Variants in DOCK6 observed in about 807,000 individuals in gnomAD.
DOCK6 encodes the protein dedicator of cytokinesis 6, also known as dedicator of cytokinesis protein 6.
In DOCK6, 167 loss-of-function variants were observed where a neutral mutation model predicts 230.3. The observed-to-expected ratio is 0.73, with a 90% CI of 0.64 to 0.82. DOCK6 has a LOEUF of 0.82. DOCK6 is among the 40% of genes least tolerant of loss of function. The pLI, the probability that DOCK6 is intolerant of heterozygous loss-of-function variation, is 0.00. For synonymous variants in DOCK6, 1,148 were observed against 1,185.0 expected, an observed-to-expected ratio of 0.97 and a Z score of 0.64; for missense variants, 2,598 against 2,825.8, an observed-to-expected ratio of 0.92 and a Z score of 1.83.
At chr19:11,241,457 A>G (rs1310274964) in intron 14 of DOCK6, 2 of 1,550,294 alleles carry the variant, frequency 1.3e-6, no homozygotes, top group African/African-American at 1.4e-5. Flanking sequence ...TCACGCTGAC[A>G]AGCAGAGCCA....
At chr19:11,207,305 C>T (rs955770658) in intron 39 of DOCK6, among the ~76,000 whole-genome samples, 13 of 152,000 alleles carry the variant, frequency 8.6e-5, no homozygotes, top group Non-Finnish European at 1.2e-4. Context: ...GTGATCCTCC[C>T]GCTTCAAGCT....
intron 14 of DOCK6, chr19:11,239,551 A>G (rs1199774371): frequency 6.6e-7 from 1 of 1,513,104 alleles, no homozygotes; most frequent in African/African-American, 1.4e-5. Flanking sequence ...CAGGTCGGCC[A>G]GTTAACGATT....
rs1352255955 is a variant in DOCK6, at chr19:11,252,942, A to G, written c.149T>C (p.Val50Ala). 3 of 1,608,560 alleles carry G rather than the reference A, an allele frequency of 1.9e-6. No homozygotes were observed. The highest frequency in any genetic ancestry group is 8.5e-7 in the Non-Finnish European group (1 of 1,177,532). ...SSSLGVPLTE[V>A]VEPLDFEDVL... ...ATCCTCAAAGTCCAGGGGCTCGACA[A>G]CTTCAGTCAGTGGGACCTGGATTGG... Residue 50 changes from valine to alanine, a missense_variant, in exon 3 of 48, where the codon GTT (valine) becomes GCT (alanine). Physicochemically the swap from Val to Ala is moderately conservative, Grantham distance 64 (BLOSUM62 0). Coordinates refer to ENST00000294618, the MANE Select transcript of DOCK6 (RefSeq NM_020812.4).
At position 11,229,035 on chromosome 19, in the gene DOCK6, G is replaced by C. The variant is rs1568240541; in HGVS notation, c.2719C>G (p.Leu907Val). The C allele has an allele frequency of 6.2e-7, 1 of 1,613,176 alleles. No individual in the cohort carries two copies. The highest frequency in any genetic ancestry group is 1.3e-5 in the African/African-American group (1 of 74,912). ...DEVSRILASK[L>V]LHEELALQWV... ...TGCAGAGCCAGCTCCTCGTGAAGCAGCTGGGGACAGAGGCAGGGGTCACAG... is the reference window on the plus strand; with the variant it reads ...TGCAGAGCCAGCTCCTCGTGAAGCACCTGGGGACAGAGGCAGGGGTCACAG... Residue 907 changes from leucine (L) to valine (V), a missense_variant and splice_region_variant, in exon 23 of 48, where the codon CTG becomes GTG. Physicochemically the swap from Leu to Val is conservative, Grantham distance 32. Transcript: ENST00000294618.
chr19:11,230,567 G>A (rs2079749698), intron 22 of DOCK6, among the ~76,000 whole-genome samples: 1 of 151,986 alleles, frequency 6.6e-6, no homozygotes, highest in Admixed American at 6.6e-5. Flanking sequence ...GAGGGTGAGT[G>A]TAGACGAGGT....
intron 37 of DOCK6, among the ~76,000 whole-genome samples, chr19:11,210,716 T>A (rs907557444): frequency 7.4e-5 from 11 of 149,038 alleles, no homozygotes; most frequent in Admixed American, 5.3e-4. Context: ...CACCTGTCCA[T>A]CCTTTCACTG....
intron 28 of DOCK6, chr19:11,221,518 G>A (rs1449511452): frequency 3.7e-6 from 1 of 272,672 alleles, no homozygotes; most frequent in Non-Finnish European, 7.0e-6. Flanking sequence ...TCACTTGGAT[G>A]TTCCCTACTT....
At chr19:11,229,280 C>A in intron 22 of DOCK6, 1 of 1,291,544 alleles carries the variant, frequency 7.7e-7, no homozygotes, top group Non-Finnish European at 9.9e-7. Context: ...TAGCGTCATC[C>A]GCACCTCCCC....
intron 23 of DOCK6, among the ~76,000 whole-genome samples, chr19:11,228,669 T>C (rs1162752134): frequency 6.6e-6 from 1 of 151,688 alleles, no homozygotes; most frequent in African/African-American, 2.4e-5. Flanking sequence ...ACGCCATTCT[T>C]CTGCCTCAGC....
Position 11,201,146 on chromosome 19 carries a change from GA to G in DOCK6, c.5689-95del. ...GCAGCTCAGACCCCGCTGGGAGTGA[GA>G]GGGGTCCAAGAACCCAGGCAATGAA... On this transcript the variant is annotated intron_variant, in intron 44 of 47. Transcript: ENST00000294618. The surrounding 1 kb of genome is among the most constrained non-coding windows in gnomAD (Gnocchi z 4.3). 1 of 1,485,412 alleles carries G rather than the reference GA, an allele frequency of 6.7e-7. No individual in the cohort carries two copies. The allele number at this position is 1,485,412 out of a possible 1,614,324, so 92.0% of individuals were successfully genotyped here.
chr19:11,219,695 CAGG>C (rs1203313378), intron 28 of DOCK6, among the ~76,000 whole-genome samples: 1 of 150,870 alleles, frequency 6.6e-6, no homozygotes, highest in East Asian at 2.1e-4. Context: ...GAGGCTGAAG[CAGG>C]AGAATGGTGT....
chr19:11,252,605 G>C, intron 3 of DOCK6, 55 bp from the exon 4 acceptor site: 1 of 1,609,044 alleles, frequency 6.2e-7, no homozygotes, highest in South Asian at 1.1e-5. Flanking sequence ...GAATCCTTCT[G>C]CTAGCCTGTA....
At chr19:11,255,645 C>T (rs1326805253) in intron 1 of DOCK6, among the ~76,000 whole-genome samples, 2 of 152,154 alleles carry the variant, frequency 1.3e-5, no homozygotes, top group African/African-American at 4.8e-5. Context: ...TGAGGGGAAG[C>T]CCCAGGTCTT....
In DOCK6 at chr19:11,243,480, C is replaced by T; in HGVS notation, c.1258+77G>A. The T allele has an allele frequency of 6.5e-7, 1 of 1,543,768 alleles. No homozygotes were observed. The highest frequency in any genetic ancestry group is 1.2e-5 in the South Asian group (1 of 83,716). Reference sequence around the variant, plus strand: ...TCGGCCAGCAGAGGGCGCACCCCCTCGCCCCGTAGCCCCGCCCCAGGCCTG... The same window carrying T: ...TCGGCCAGCAGAGGGCGCACCCCCTTGCCCCGTAGCCCCGCCCCAGGCCTG... On this transcript the variant is annotated intron_variant, in intron 11 of 47. Transcript: ENST00000294618. The surrounding 1 kb of genome is among the most constrained non-coding windows in gnomAD (Gnocchi z 6.3).
At position 11,262,380 on chromosome 19, in the gene DOCK6, C is replaced by A; in HGVS notation, c.44+17G>T. ...GCCACGTGGGGGAGGTGGGAGGGGG[C>A]CCCGCGGCCACACTACCTGTTGATC... On this transcript the variant is annotated intron_variant, in intron 1 of 47. Transcript: ENST00000294618. 1 of 1,276,018 alleles carries A rather than the reference C, an allele frequency of 7.8e-7. No individual in the cohort carries two copies. Among genetic ancestry groups the A allele is most frequent in the Admixed American group, 3.4e-5 (1 of 29,448 alleles). The allele number at this position is 1,276,018 out of a possible 1,614,324, so 79.0% of individuals were successfully genotyped here. A position where few individuals can be genotyped will look rare whatever the true frequency, so the allele number is the denominator to read the frequency against.
chr19:11,213,028 A>C (rs2079417503), intron 35 of DOCK6, 148 bp downstream of exon 35: 3 of 1,091,662 alleles, frequency 2.7e-6, no homozygotes, highest in Non-Finnish European at 3.8e-6. Flanking sequence ...GAGCCACGGC[A>C]CCTGACCCCC....
At chr19:11,226,551 G>C (rs2079667264) in intron 24 of DOCK6, among the ~76,000 whole-genome samples, 1 of 152,150 alleles carries the variant, frequency 6.6e-6, no homozygotes, top group Admixed American at 6.5e-5. Flanking sequence ...CCAGCTACTT[G>C]GGAGGCTGAG....
chr19:11,223,522 A>G (rs1213207422), intron 24 of DOCK6, among the ~76,000 whole-genome samples: 4 of 152,206 alleles, frequency 2.6e-5, no homozygotes, highest in East Asian at 1.9e-4. Context: ...TGATGCCTCT[A>G]CAACCTACTT....
Position 11,242,090 on chromosome 19 carries a change from A to G in DOCK6, c.1598T>C (p.Leu533Pro). The G allele has an allele frequency of 6.5e-7, 1 of 1,540,124 alleles. No homozygotes were observed. Among genetic ancestry groups the G allele is most frequent in the Non-Finnish European group, 8.7e-7 (1 of 1,148,962 alleles). ...DPRGRPTKEI[L>P]EFPAREVYAP... ...ATAGACTTCGCGGGCGGGGAACTCC[A>G]GAATCTCCTTGGTGGGCCGGCCCCT... The change falls in exon 14 of 48, where the codon CTG (leucine) becomes CCG (proline). Residue 533 changes from leucine to proline, a missense_variant. By Grantham distance (98) the Leu-to-Pro change is moderately conservative (BLOSUM62 -3). Coordinates refer to ENST00000294618, the MANE Select transcript of DOCK6 (RefSeq NM_020812.4).
Sources: allele counts gnomAD v4.1 joint callset (sites outside exome capture counted in the v4.1 genomes callset), GRCh38; gene constraint gnomAD v4.1.1; non-coding constraint Gnocchi (gnomAD v3.1); transcripts MANE v1.5; gene names NCBI Gene and HGNC (gene_info 2026-07-23, HGNC 2026-07-21).